Variants in CEP128 observed in about 807,000 individuals in gnomAD.
CEP128 encodes the protein centrosomal protein 128kDa.
Under a neutral mutation model 156.7 loss-of-function variants are expected in CEP128, and 132 were observed. The ratio of observed to expected loss-of-function variants is 0.84; its 90% CI spans 0.73 to 0.97. The LOEUF is 0.97. Ranked by LOEUF, CEP128 falls within the 50% of genes least tolerant of loss-of-function variation. CEP128 has a pLI of 0.00. For missense variants in CEP128, 1,252 were observed against 1,281.9 expected, an observed-to-expected ratio of 0.98 and a Z score of 0.36; for synonymous variants, 469 against 448.9, an observed-to-expected ratio of 1.04 and a Z score of -0.57.
At chr14:80,732,383 T>TG (rs1349785961) in intron 19 of CEP128, among the ~76,000 whole-genome samples, 1 of 151,914 alleles carries the variant, frequency 6.6e-6, no homozygotes, top group African/African-American at 2.4e-5. Context: ...TGTTTAGCAG[T>TG]GGGAAAACCA....
At chr14:80,730,624 C>T (rs1898229974) in intron 19 of CEP128, among the ~76,000 whole-genome samples, 1 of 152,084 alleles carries the variant, frequency 6.6e-6, no homozygotes, top group Non-Finnish European at 1.5e-5. Context: ...GTAAGTTAGT[C>T]AGATGGAATA....
intron 16 of CEP128, among the ~76,000 whole-genome samples, chr14:80,766,843 A>C (rs1296691832): frequency 1.3e-5 from 2 of 152,134 alleles, no homozygotes; most frequent in Admixed American, 1.3e-4. Context: ...AAGGTAGAGA[A>C]AGAGAGAAAT....
intron 8 of CEP128, among the ~76,000 whole-genome samples, chr14:80,876,830 T>C: frequency 6.6e-6 from 1 of 152,174 alleles, no homozygotes; most frequent in East Asian, 1.9e-4. Flanking sequence ...ACGGGATACT[T>C]TCAGGCATAT....
At chr14:80,527,547 C>T (rs909594305) in intron 22 of CEP128, among the ~76,000 whole-genome samples, 1 of 152,286 alleles carries the variant, frequency 6.6e-6, no homozygotes, top group Middle Eastern at 3.4e-3. Context: ...AGTCCCTATG[C>T]CCATCTACAG....
At chr14:80,911,826 T>G (rs987194871) in intron 4 of CEP128, among the ~76,000 whole-genome samples, 19 of 152,214 alleles carry the variant, frequency 1.2e-4, no homozygotes, top group African/African-American at 3.6e-4. Context: ...TAGAATGCTT[T>G]AATCTGGAGA....
chr14:80,686,945 T>C (rs1189174274), intron 19 of CEP128, among the ~76,000 whole-genome samples: 2 of 152,128 alleles, frequency 1.3e-5, no homozygotes, highest in East Asian at 1.9e-4. Flanking sequence ...ATAAAACAAG[T>C]ACTTAGAGAC....
At chr14:80,638,172 A>T (rs964676345) in intron 19 of CEP128, among the ~76,000 whole-genome samples, 17 of 152,124 alleles carry the variant, frequency 1.1e-4, no homozygotes, top group Admixed American at 3.3e-4. Flanking sequence ...CCTTCTCTTC[A>T]TATTTCAATA....
chr14:80,572,793 G>A (rs1473576287), intron 20 of CEP128, among the ~76,000 whole-genome samples: 2 of 152,146 alleles, frequency 1.3e-5, no homozygotes, highest in African/African-American at 2.4e-5. Context: ...GTTGAGCCAA[G>A]GTATGTTTTC....
intron 8 of CEP128, among the ~76,000 whole-genome samples, chr14:80,869,766 G>C (rs1041533665): frequency 6.6e-6 from 1 of 151,882 alleles, no homozygotes; most frequent in Non-Finnish European, 1.5e-5. Flanking sequence ...TCTTCACCCA[G>C]GTATTAAGCC....
intron 19 of CEP128, among the ~76,000 whole-genome samples, chr14:80,742,479 G>A (rs1280273268): frequency 4.6e-5 from 7 of 152,162 alleles, no homozygotes; most frequent in African/African-American, 1.7e-4. Flanking sequence ...ATATCAATAG[G>A]CCTCTAACTG....
chr14:80,831,172 C>T lies in CEP128; in HGVS notation c.1180G>A (p.Glu394Lys). The T allele has an allele frequency of 6.2e-7, 1 of 1,613,996 alleles. No individual in the cohort carries two copies. The highest frequency in any genetic ancestry group is 1.3e-5 in the African/African-American group (1 of 75,026). ...ACTTGTGATGCCAAATGTGCTTTCT[C>T]CTTGTCTTTTCTCTCCATGCACCGT... is the stretch of plus-strand genomic sequence containing the variant. ...VKRCMERKDK[E>K]KAHLASQVEN... The change falls in exon 13 of 25, where the codon GAG becomes AAG. Residue 394 changes from glutamate to lysine, a missense_variant. Coordinates refer to ENST00000555265, the MANE Select transcript of CEP128 (RefSeq NM_152446.5).
chr14:80,703,902 T>C (rs1434469364), intron 19 of CEP128, among the ~76,000 whole-genome samples: 2 of 152,056 alleles, frequency 1.3e-5, no homozygotes, highest in African/African-American at 4.8e-5. Flanking sequence ...AGATCCCTCA[T>C]CCAACTAATT....
intron 19 of CEP128, among the ~76,000 whole-genome samples, chr14:80,587,759 G>T (rs1222275749): frequency 6.6e-6 from 1 of 152,098 alleles, no homozygotes; most frequent in East Asian, 1.9e-4. Flanking sequence ...GGCTGTCTTG[G>T]CCAAAATGAG....
chr14:80,732,025 T>A (rs887185645), intron 19 of CEP128, among the ~76,000 whole-genome samples: 1 of 151,826 alleles, frequency 6.6e-6, no homozygotes, highest in Non-Finnish European at 1.5e-5. Context: ...AAAAAAGAGG[T>A]AGGAGGGAAA....
intron 6 of CEP128, among the ~76,000 whole-genome samples, chr14:80,902,921 A>G (rs568555050): frequency 9.2e-5 from 14 of 152,302 alleles, no homozygotes; most frequent in East Asian, 3.9e-4. Flanking sequence ...ATGTTCTGCA[A>G]TATATAATCC....
At chr14:80,765,791 G>A (rs1290900593) in intron 16 of CEP128, among the ~76,000 whole-genome samples, 1 of 152,108 alleles carries the variant, frequency 6.6e-6, no homozygotes. Context: ...TAACCAAAGC[G>A]CAGACAGACT....
At chr14:80,585,042 T>G (rs1891758942) in intron 19 of CEP128, among the ~76,000 whole-genome samples, 1 of 152,258 alleles carries the variant, frequency 6.6e-6, no homozygotes, top group Admixed American at 6.5e-5. Context: ...TGAAAGATCT[T>G]TGGTAAAAAG....
intron 23 of CEP128, among the ~76,000 whole-genome samples, chr14:80,511,212 T>A (rs1325304906): frequency 6.6e-6 from 1 of 152,028 alleles, no homozygotes; most frequent in African/African-American, 2.4e-5. Context: ...TTGTTAGAAT[T>A]CAGCAGTGAA....
chr14:80,760,416 T>G (rs1033176161), intron 17 of CEP128, among the ~76,000 whole-genome samples: 7 of 151,582 alleles, frequency 4.6e-5, no homozygotes, highest in Non-Finnish European at 8.8e-5. Flanking sequence ...TAAACACAAT[T>G]TAAGATAGAA....
Sources: gnomAD v4.1 joint callset for allele counts (sites outside exome capture counted in the v4.1 genomes callset) on GRCh38, gnomAD v4.1.1 for gene constraint, MANE v1.5 for transcripts, NCBI Gene and HGNC (gene_info 2026-07-23, HGNC 2026-07-21) for gene names.